The following TSHZ2 variants were observed in gnomAD, a reference collection of about 807,000 sequenced individuals.
TSHZ2 encodes teashirt zinc finger homeobox 2, also known as teashirt homolog 2.
In TSHZ2, 21 loss-of-function variants were observed where a neutral mutation model predicts 74.4. The observed-to-expected ratio is 0.28, with a 90% CI of 0.20 to 0.41. TSHZ2 has a LOEUF of 0.41. TSHZ2 is among the 10% of genes least tolerant of loss of function. The pLI is 1.00. For missense variants in TSHZ2, 1,244 were observed against 1,293.5 expected (o/e 0.96, Z 0.59); for synonymous variants, 540 against 515.3 (o/e 1.05, Z -0.65).
chr20:53,280,227 A>G (rs1219968934), intron 2 of TSHZ2, among the ~76,000 whole-genome samples: 2 of 152,150 alleles, frequency 1.3e-5, no homozygotes, highest in East Asian at 1.9e-4. Flanking sequence ...GGCCTCAACA[A>G]AAACTTTATA....
At chr20:53,140,459 G>A (rs1987362836) in intron 1 of TSHZ2, among the ~76,000 whole-genome samples, 1 of 145,562 alleles carries the variant, frequency 6.9e-6, no homozygotes, top group African/African-American at 2.6e-5. Context: ...AGAATGGCAT[G>A]AACCCGGGAG....
intron 2 of TSHZ2, among the ~76,000 whole-genome samples, chr20:53,454,253 C>A (rs555427851): frequency 6.6e-6 from 1 of 152,168 alleles, no homozygotes; most frequent in Admixed American, 6.5e-5. Context: ...TCTGATGAAA[C>A]CCGTGGAGCC....
At chr20:53,419,139 C>T (rs896633063) in intron 2 of TSHZ2, among the ~76,000 whole-genome samples, 4 of 152,144 alleles carry the variant, frequency 2.6e-5, no homozygotes, top group South Asian at 2.1e-4. Flanking sequence ...AGCATTAAGC[C>T]GCTTTGTGGA....
rs1210877040 is a variant in TSHZ2, at chr20:53,441,236, T to G, written c.*9-45908T>G. Among the ~76,000 whole-genome samples the G allele has an allele frequency of 3.1e-3, 435 of 142,296 alleles. 8 individuals carry two copies. Among genetic ancestry groups the G allele is most frequent in the African/African-American group, 0.01 (399 of 38,558 alleles). The allele number at this position is 142,296 out of a possible 152,430, so 93.4% of individuals were successfully genotyped here. On this transcript the variant is annotated intron_variant, in intron 2 of 2. Coordinates refer to ENST00000371497, the MANE Select transcript of TSHZ2 (RefSeq NM_173485.6). ...TTATTTATTTGTTTATTTTATTTTA[T>G]TTTATTTTATTTTATTTTATTTTAT...
At chr20:53,079,182 C>G (rs1279493315) in intron 1 of TSHZ2, among the ~76,000 whole-genome samples, 1 of 152,130 alleles carries the variant, frequency 6.6e-6, no homozygotes, top group African/African-American at 2.4e-5. Flanking sequence ...GTGGTTAGCT[C>G]TACTAACTAC....
At chr20:53,106,135 A>G (rs966939491) in intron 1 of TSHZ2, among the ~76,000 whole-genome samples, 1 of 152,090 alleles carries the variant, frequency 6.6e-6, no homozygotes, top group African/African-American at 2.4e-5. Flanking sequence ...AATATAAAAC[A>G]TATTATTATT....
intron 2 of TSHZ2, among the ~76,000 whole-genome samples, chr20:53,369,830 A>G (rs550974045): frequency 1.3e-5 from 2 of 152,374 alleles, no homozygotes; most frequent in Admixed American, 1.3e-4. Flanking sequence ...CAACGACCTC[A>G]TGAAAAGCTT....
intron 1 of TSHZ2, among the ~76,000 whole-genome samples, chr20:53,252,499 A>C (rs140290010): frequency 6.6e-6 from 1 of 152,364 alleles, no homozygotes; most frequent in East Asian, 1.9e-4. Context: ...GCCCATAGGC[A>C]TAATGTCACA....
chr20:53,187,615 G>A (rs1393382109), intron 1 of TSHZ2, among the ~76,000 whole-genome samples: 1 of 152,144 alleles, frequency 6.6e-6, no homozygotes, highest in African/African-American at 2.4e-5. Context: ...GCACCCGACA[G>A]GATGTTAGCA....
intron 2 of TSHZ2, among the ~76,000 whole-genome samples, chr20:53,361,114 C>T (rs1406710013): frequency 6.6e-6 from 1 of 152,208 alleles, no homozygotes; most frequent in East Asian, 1.9e-4. Context: ...CTGGCCCCAT[C>T]CTCTCTGTCA....
At chr20:53,394,767 A>AAAAAAC (rs1439021477) in intron 2 of TSHZ2, among the ~76,000 whole-genome samples, 1 of 150,530 alleles carries the variant, frequency 6.6e-6, no homozygotes, top group East Asian at 1.9e-4. Context: ...GTCTCAAAAA[A>AAAAAAC]AAAAAAAAAA....
chr20:52,976,046 G>A (rs1027343367), intron 1 of TSHZ2, among the ~76,000 whole-genome samples: 1 of 152,156 alleles, frequency 6.6e-6, no homozygotes, highest in Non-Finnish European at 1.5e-5. Context: ...AGGCTCTCCC[G>A]GAGCGCTCTT....
intron 2 of TSHZ2, among the ~76,000 whole-genome samples, chr20:53,294,099 T>G (rs1991332256): frequency 6.6e-6 from 1 of 152,070 alleles, no homozygotes; most frequent in Admixed American, 6.6e-5. Context: ...ACTTCCACAG[T>G]GGGAAGAGGC....
At chr20:53,224,346 T>G (rs1233189415) in intron 1 of TSHZ2, among the ~76,000 whole-genome samples, 2 of 152,140 alleles carry the variant, frequency 1.3e-5, no homozygotes, top group African/African-American at 4.8e-5. Flanking sequence ...ACATTGTGAT[T>G]AGGAAAACAA....
intron 2 of TSHZ2, among the ~76,000 whole-genome samples, chr20:53,383,263 A>G (rs1600595405): frequency 1.2e-5 from 1 of 83,756 alleles, no homozygotes; most frequent in African/African-American, 5.2e-5. Context: ...ACTCTGTCTC[A>G]AAAAAAAAAA....
In TSHZ2 at chr20:53,226,436, A is replaced by ATG. The variant is rs56780548; in HGVS notation, c.41-27047_41-27046dup. Among the ~76,000 whole-genome samples the ATG allele has an allele frequency of 8.7e-3, 1,267 of 145,298 alleles. 13 individuals carry two copies. Among genetic ancestry groups the ATG allele is most frequent in the African/African-American group, 0.03 (1,214 of 40,678 alleles). ...ATGAAGTGTGTGGGTCGGTGTGTGT[A>ATG]TGTGTGTGTGTGTGTGTATGTGTAA... On this transcript the variant is annotated intron_variant, in intron 1 of 2. Transcript: ENST00000371497.
intron 2 of TSHZ2, among the ~76,000 whole-genome samples, chr20:53,358,875 GA>G (rs1280683117): frequency 6.6e-6 from 1 of 152,148 alleles, no homozygotes; most frequent in Admixed American, 6.5e-5. Context: ...TCTCCCTTAT[GA>G]AGTGACCGCT....
chr20:53,418,717 G>A (rs528372614), intron 2 of TSHZ2, among the ~76,000 whole-genome samples: 18 of 152,182 alleles, frequency 1.2e-4, no homozygotes, highest in African/African-American at 4.1e-4. Flanking sequence ...GTATCAATAG[G>A]GATTTCCTAA....
chr20:53,156,011 TA>T (rs1450377187), intron 1 of TSHZ2, among the ~76,000 whole-genome samples: 2 of 152,268 alleles, frequency 1.3e-5, no homozygotes, highest in Admixed American at 1.3e-4. Flanking sequence ...TTTCAGAAGT[TA>T]GAAACCTGAC....
Sources: allele counts gnomAD v4.1 joint callset (sites outside exome capture counted in the v4.1 genomes callset), GRCh38; gene constraint gnomAD v4.1.1; transcripts MANE v1.5; gene names NCBI Gene and HGNC (gene_info 2026-07-23, HGNC 2026-07-21).